Variants in ME1 observed in about 807,000 individuals in gnomAD.
ME1 encodes the protein NADP-dependent malic enzyme.
Under a neutral mutation model 66.4 loss-of-function variants are expected in ME1, and 74 were observed. The observed-to-expected ratio is 1.11, with a 90% CI of 0.92 to 1.35. The LOEUF (loss-of-function observed/expected upper bound fraction) is 1.35. Among genes scored for constraint, ME1 ranks in the 40% most tolerant of loss-of-function variants. The pLI, the probability that ME1 is intolerant of heterozygous loss-of-function variation, is 0.00. For synonymous variants in ME1, 251 were observed against 235.6 expected, an observed-to-expected ratio of 1.07 and a Z score of -0.60; for missense variants, 750 against 694.1, an observed-to-expected ratio of 1.08 and a Z score of -0.90.
At position 83,315,329 on chromosome 6, in the gene ME1, T is replaced by A; in HGVS notation, c.685A>T (p.Met229Leu). 1.2e-6 allele frequency: 2 copies of A among 1,608,180 alleles called. No homozygotes were observed. The highest frequency in any genetic ancestry group is 1.7e-6 in the Non-Finnish European group (2 of 1,175,324). Residue 229 changes from methionine (M) to leucine (L), a missense_variant, in exon 6 of 14, where the codon ATG (methionine) becomes TTG (leucine). Transcript: ENST00000369705. ...ACATACTTGGAAGAAACTGCCTCCATGAATTCGTCCAAAAAATCATCATAT... is the reference window on the plus strand; with the variant it reads ...ACATACTTGGAAGAAACTGCCTCCAAGAATTCGTCCAAAAAATCATCATAT... ...SEYDDFLDEF[M>L]EAVSSKYGMN...
intron 3 of ME1, among the ~76,000 whole-genome samples, chr6:83,369,663 GGAAGGAAC>G (rs1179221015): frequency 0.12 from 7,988 of 64,176 alleles, 719 homozygotes; most frequent in African/African-American, 0.33. Context: ...GAGGAAGGAA[GGAAGGAAC>G]GAAGGAAGGA....
chr6:83,350,804 A>C (rs1464998778), intron 4 of ME1, among the ~76,000 whole-genome samples: 1 of 152,016 alleles, frequency 6.6e-6, no homozygotes, highest in Non-Finnish European at 1.5e-5. Context: ...TTGATTCCTT[A>C]AATTTTCTTT....
In ME1 at chr6:83,308,020, C is replaced by CT. The variant is rs573145233; in HGVS notation, c.704+7289dup. ...GTCTGTTTCAGGCACACAGCCAAGA[C>CT]TTTTGTTCAACACTACTCAGCAAAA... is the stretch of plus-strand genomic sequence containing the variant. On this transcript the variant is annotated intron_variant, in intron 6 of 13. Transcript: ENST00000369705. Among the ~76,000 whole-genome samples, 4 of 152,212 alleles carry CT rather than the reference C, an allele frequency of 2.6e-5. No individual in the cohort carries two copies. The East Asian group carries it at 7.7e-4, about 29-fold the overall frequency.
At chr6:83,319,867 G>A (rs1279339989) in intron 5 of ME1, among the ~76,000 whole-genome samples, 1 of 152,174 alleles carries the variant, frequency 6.6e-6, no homozygotes, top group African/African-American at 2.4e-5. Context: ...CTATGAATGA[G>A]AATGTTGATG....
intron 6 of ME1, among the ~76,000 whole-genome samples, chr6:83,303,028 A>G (rs1454157949): frequency 6.6e-6 from 1 of 152,172 alleles, no homozygotes; most frequent in Non-Finnish European, 1.5e-5. Flanking sequence ...ATGGTTATAG[A>G]AATGGATCAA....
intron 1 of ME1, 67 bp from the exon 2 acceptor site, chr6:83,407,968 T>C: frequency 1.3e-6 from 2 of 1,486,182 alleles, no homozygotes; most frequent in Non-Finnish European, 1.8e-6. Context: ...AAAGCATACA[T>C]ATAAAATCTG....
At chr6:83,290,515 G>A (rs1170459) in intron 6 of ME1, among the ~76,000 whole-genome samples, 1 of 151,734 alleles carries the variant, frequency 6.6e-6, no homozygotes, top group Non-Finnish European at 1.5e-5. Context: ...ATTTCTGTTC[G>A]TTTATATTTG....
At chr6:83,256,318 A>G (rs1463722584) in intron 6 of ME1, among the ~76,000 whole-genome samples, 1 of 152,224 alleles carries the variant, frequency 6.6e-6, no homozygotes, top group East Asian at 1.9e-4. Flanking sequence ...ATTTAATAGT[A>G]ACAATAGAAG....
intron 4 of ME1, among the ~76,000 whole-genome samples, chr6:83,351,774 G>C (rs1160535514): frequency 6.6e-6 from 1 of 151,988 alleles, no homozygotes; most frequent in African/African-American, 2.4e-5. Context: ...TAGAATTTAA[G>C]GGTTTGCTTA....
chr6:83,332,083 G>C (rs1426050698), intron 5 of ME1, among the ~76,000 whole-genome samples: 3 of 152,252 alleles, frequency 2.0e-5, no homozygotes, highest in South Asian at 4.1e-4. Context: ...TATAGCAACT[G>C]CTTCACAATT....
At chr6:83,314,351 TA>T (rs1259459613) in intron 6 of ME1, among the ~76,000 whole-genome samples, 1 of 152,192 alleles carries the variant, frequency 6.6e-6, no homozygotes, top group Non-Finnish European at 1.5e-5. Flanking sequence ...CTGAACACAT[TA>T]TTTTTTTCAT....
chr6:83,387,606 A>G (rs1411166364), intron 3 of ME1, among the ~76,000 whole-genome samples: 1 of 152,162 alleles, frequency 6.6e-6, no homozygotes, highest in African/African-American at 2.4e-5. Flanking sequence ...ATATTAAGTA[A>G]TAAAGAAAGC....
At position 83,333,735 on chromosome 6, in the gene ME1, C is replaced by A. The variant is rs190389873; in HGVS notation, c.600+12438G>T. ...ATCCTGAACAGCACTGTATTGCTAA[C>A]GGAATACAGTTGATATGTGTAGCCC... is the stretch of plus-strand genomic sequence containing the variant. On this transcript the variant is annotated intron_variant, in intron 5 of 13. Transcript: ENST00000369705. 7.9e-4 allele frequency among the ~76,000 whole-genome samples: 120 copies of A among 151,970 alleles called. 1 individual carries two copies. Among genetic ancestry groups the A allele is most frequent in the Non-Finnish European group, 1.2e-3 (80 of 67,998 alleles).
intron 10 of ME1, among the ~76,000 whole-genome samples, chr6:83,228,301 T>C (rs1042007713): frequency 1.3e-5 from 2 of 152,194 alleles, no homozygotes; most frequent in African/African-American, 2.4e-5. Context: ...GAGGGTCTTA[T>C]CTACTGCAGT....
At chr6:83,409,861 A>G (rs1285340855) in intron 1 of ME1, among the ~76,000 whole-genome samples, 1 of 152,190 alleles carries the variant, frequency 6.6e-6, no homozygotes, top group East Asian at 1.9e-4. Flanking sequence ...CCCCATTGTT[A>G]CAGTTGGGCG....
At chr6:83,424,157 A>T (rs955837328) in intron 1 of ME1, among the ~76,000 whole-genome samples, 1 of 152,126 alleles carries the variant, frequency 6.6e-6, no homozygotes, top group African/African-American at 2.4e-5. Context: ...TATTTGTGTA[A>T]TACATATATA....
chr6:83,329,916 C>T (rs530690902), intron 5 of ME1, among the ~76,000 whole-genome samples: 85 of 152,198 alleles, frequency 5.6e-4, no homozygotes, highest in Middle Eastern at 3.4e-3. Context: ...CCTCGAACTC[C>T]GAGACTCAAG....
At chr6:83,324,290 G>A (rs893178835) in intron 5 of ME1, among the ~76,000 whole-genome samples, 1 of 151,286 alleles carries the variant, frequency 6.6e-6, no homozygotes, top group African/African-American at 2.4e-5. Context: ...AGAGAAGCAA[G>A]AGCAAACAAA....
At chr6:83,314,555 GT>G (rs1420234271) in intron 6 of ME1, among the ~76,000 whole-genome samples, 5 of 152,024 alleles carry the variant, frequency 3.3e-5, no homozygotes, top group Non-Finnish European at 5.9e-5. Flanking sequence ...CATAAACTTT[GT>G]TTTACACACA....
Sources: allele counts gnomAD v4.1 joint callset (sites outside exome capture counted in the v4.1 genomes callset), GRCh38; gene constraint gnomAD v4.1.1; transcripts MANE v1.5; gene names NCBI Gene and HGNC (gene_info 2026-07-23, HGNC 2026-07-21).